The following UBE2E2 variants were observed in gnomAD, a reference collection of about 807,000 sequenced individuals.
The protein encoded by UBE2E2 is ubiquitin conjugating enzyme E2 E2.
Under a neutral mutation model 24.7 loss-of-function variants are expected in UBE2E2, and 6 were observed. That is an observed-to-expected ratio of 0.24 (90% CI 0.13 to 0.48). The LOEUF (loss-of-function observed/expected upper bound fraction) is 0.48. UBE2E2 is among the 20% of genes least tolerant of loss of function. UBE2E2 has a pLI of 0.99. For synonymous variants in UBE2E2, 104 were observed against 83.6 expected, an observed-to-expected ratio of 1.24 and a Z score of -1.33; for missense variants, 169 against 245.0, an observed-to-expected ratio of 0.69 and a Z score of 2.07.
At chr3:23,374,308 A>G (rs1038973480) in intron 3 of UBE2E2, among the ~76,000 whole-genome samples, 9 of 152,228 alleles carry the variant, frequency 5.9e-5, no homozygotes, top group African/African-American at 2.2e-4. Context: ...GTTTTAGGAG[A>G]TAAGTGTTTC....
At chr3:23,224,160 T>TG (rs943016239) in intron 3 of UBE2E2, among the ~76,000 whole-genome samples, 1 of 147,580 alleles carries the variant, frequency 6.8e-6, no homozygotes, top group Non-Finnish European at 1.5e-5. Context: ...TTTTAGGTTT[T>TG]TTTTTTTTTT....
intron 3 of UBE2E2, among the ~76,000 whole-genome samples, chr3:23,480,423 G>A (rs2125441624): frequency 6.6e-6 from 1 of 152,316 alleles, no homozygotes; most frequent in South Asian, 2.1e-4. Flanking sequence ...CTGGAGCCAT[G>A]GCTGGGTGGC....
chr3:23,239,509 T>G (rs1697204046), intron 3 of UBE2E2, among the ~76,000 whole-genome samples: 1 of 152,160 alleles, frequency 6.6e-6, no homozygotes, highest in Non-Finnish European at 1.5e-5. Flanking sequence ...TCTGGGCATT[T>G]TGTATAAATG....
intron 3 of UBE2E2, among the ~76,000 whole-genome samples, chr3:23,421,916 T>C (rs568815025): frequency 6.6e-6 from 1 of 152,188 alleles, no homozygotes; most frequent in South Asian, 2.1e-4. Flanking sequence ...CAAAACACCA[T>C]GTTTAGCTTT....
chr3:23,471,620 T>C (rs754764426), intron 3 of UBE2E2, among the ~76,000 whole-genome samples: 9 of 152,162 alleles, frequency 5.9e-5, no homozygotes, highest in Non-Finnish European at 1.2e-4. Flanking sequence ...TGGAAAGTGA[T>C]TCAGTTTGAT....
chr3:23,312,913 A>G (rs1398230820), intron 3 of UBE2E2, among the ~76,000 whole-genome samples: 2 of 152,086 alleles, frequency 1.3e-5, no homozygotes, highest in Non-Finnish European at 2.9e-5. Context: ...AAAATTCCTC[A>G]TTATTGATTT....
At chr3:23,264,673 A>G (rs1377073820) in intron 3 of UBE2E2, among the ~76,000 whole-genome samples, 1 of 152,230 alleles carries the variant, frequency 6.6e-6, no homozygotes, top group Non-Finnish European at 1.5e-5. Flanking sequence ...TAAAATCCAG[A>G]TAACTTAGGA....
intron 3 of UBE2E2, among the ~76,000 whole-genome samples, chr3:23,265,151 A>T (rs1432251738): frequency 2.0e-5 from 3 of 152,200 alleles, no homozygotes; most frequent in Non-Finnish European, 4.4e-5. Context: ...AAGAGGCTTC[A>T]GACTGATTAT....
At chr3:23,576,867 A>G (rs1419175026) in intron 5 of UBE2E2, among the ~76,000 whole-genome samples, 1 of 152,018 alleles carries the variant, frequency 6.6e-6, no homozygotes, top group African/African-American at 2.4e-5. Context: ...AAAAGGCAGT[A>G]CTGGCACACC....
Position 23,591,793 on chromosome 3 carries a change from G to A in UBE2E2, c.*1962G>A, listed in dbSNP as rs1469465703. The A allele has an allele frequency of 6.6e-5, 10 of 152,142 alleles. No individual in the cohort carries two copies. Among genetic ancestry groups the A allele is most frequent in the African/African-American group, 2.4e-4 (10 of 41,436 alleles). The allele number at this position is 152,142 out of a possible 1,614,324, so 9.4% of individuals were successfully genotyped here. On this transcript the variant is annotated 3_prime_UTR_variant, in exon 6 of 6. Transcript: ENST00000396703. ...AATAAATTCAATATGGTACAACACT[G>A]ATTTTTGGAAAGTTGCTCAGAATGT...
At chr3:23,561,087 T>C (rs887718612) in intron 5 of UBE2E2, among the ~76,000 whole-genome samples, 1 of 152,228 alleles carries the variant, frequency 6.6e-6, no homozygotes, top group Non-Finnish European at 1.5e-5. Context: ...ATCCCATTTG[T>C]CAATTTTGGC....
intron 4 of UBE2E2, among the ~76,000 whole-genome samples, chr3:23,528,537 G>C (rs886801448): frequency 6.6e-6 from 1 of 151,904 alleles, no homozygotes. Flanking sequence ...TTAAGTCTCC[G>C]CCTTTTTACT....
chr3:23,290,592 A>T (rs1169625340), intron 3 of UBE2E2, among the ~76,000 whole-genome samples: 1 of 152,018 alleles, frequency 6.6e-6, no homozygotes, highest in Non-Finnish European at 1.5e-5. Flanking sequence ...AACTGGGATT[A>T]TAGGAGAACG....
chr3:23,340,028 C>G (rs551776027), intron 3 of UBE2E2, among the ~76,000 whole-genome samples: 1 of 152,150 alleles, frequency 6.6e-6, no homozygotes, highest in South Asian at 2.1e-4. Context: ...CAGTTGTTAA[C>G]TCCCATTTAA....
At chr3:23,471,581 T>C (rs1250089156) in intron 3 of UBE2E2, among the ~76,000 whole-genome samples, 3 of 152,186 alleles carry the variant, frequency 2.0e-5, no homozygotes, top group Non-Finnish European at 4.4e-5. Context: ...GTTTTTGTAA[T>C]GTTTAATTCA....
At chr3:23,557,670 T>C (rs188983335) in intron 5 of UBE2E2, among the ~76,000 whole-genome samples, 250 of 152,258 alleles carry the variant, frequency 1.6e-3, no homozygotes, top group Middle Eastern at 6.8e-3. Flanking sequence ...TCAACCAACA[T>C]TGAACAAAAT....
In UBE2E2 at chr3:23,474,862, A is replaced by G. The variant is rs916294594; in HGVS notation, c.228-24746A>G. On this transcript the variant is annotated intron_variant, in intron 3 of 5. Coordinates refer to ENST00000396703, the MANE Select transcript of UBE2E2 (RefSeq NM_152653.4). The surrounding 1 kb of genome is among the most constrained non-coding windows in gnomAD (Gnocchi z 4.0). ...TTATCCCCCATTCACATTCCTCTCT[A>G]GCTTTTCACATCCAGACTTCTAGAA... 6.6e-6 allele frequency among the ~76,000 whole-genome samples: 1 copy of G among 151,860 alleles called. No homozygotes were observed. The highest frequency in any genetic ancestry group is 1.5e-5 in the Non-Finnish European group (1 of 68,010).
intron 5 of UBE2E2, among the ~76,000 whole-genome samples, chr3:23,588,411 T>TG (rs1491531010): frequency 4.8e-5 from 2 of 41,916 alleles, no homozygotes; most frequent in African/African-American, 2.6e-4. Flanking sequence ...TGTTTTTTTG[T>TG]TTTTTTTTTT....
At position 23,589,499 on chromosome 3, in the gene UBE2E2, C is replaced by A. The variant is rs1044586116; in HGVS notation, c.509-235C>A. Reference sequence around the variant, plus strand: ...GTGGGTACAGGGAAAGAGAATAAGACTTGTCAAGAAATATGACAAGAGCTA... The same window carrying A: ...GTGGGTACAGGGAAAGAGAATAAGAATTGTCAAGAAATATGACAAGAGCTA... On this transcript the variant is annotated intron_variant, in intron 5 of 5. Transcript: ENST00000396703. This position sits in a 1 kb window ranked among gnomAD's most constrained non-coding sequence, Gnocchi z 4.1. Among the ~76,000 whole-genome samples the A allele has an allele frequency of 6.6e-6, 1 of 151,794 alleles. No individual in the cohort carries two copies. Among genetic ancestry groups the A allele is most frequent in the African/African-American group, 2.4e-5 (1 of 41,334 alleles).
Sources: gnomAD v4.1 joint callset for allele counts (sites outside exome capture counted in the v4.1 genomes callset) on GRCh38, gnomAD v4.1.1 for gene constraint, Gnocchi (gnomAD v3.1) non-coding constraint, MANE v1.5 for transcripts, NCBI Gene and HGNC (gene_info 2026-07-23, HGNC 2026-07-21) for gene names.